Variants in CDYL observed in about 807,000 individuals in gnomAD.
The protein encoded by CDYL is chromodomain Y-like protein.
Under a neutral mutation model 47.3 loss-of-function variants are expected in CDYL, and 8 were observed. The ratio of observed to expected loss-of-function variants is 0.17; its 90% CI spans 0.10 to 0.31. The LOEUF (loss-of-function observed/expected upper bound fraction) is 0.31, where lower values mean the gene tolerates loss of function less well. CDYL is among the 10% of genes least tolerant of loss of function. CDYL has a pLI of 1.00. For missense variants in CDYL, 471 were observed against 701.4 expected (o/e 0.67, Z 3.71); for synonymous variants, 266 against 265.0 (o/e 1.00, Z -0.04).
intron 1 of CDYL, among the ~76,000 whole-genome samples, chr6:4,791,561 C>T (rs1201046082): frequency 1.3e-5 from 2 of 152,352 alleles, no homozygotes; most frequent in South Asian, 2.1e-4. Context: ...AGTTTGGCCT[C>T]TGACGTCTTG....
At chr6:4,800,886 A>G (rs1236651130) in intron 1 of CDYL, among the ~76,000 whole-genome samples, 2 of 152,142 alleles carry the variant, frequency 1.3e-5, no homozygotes, top group African/African-American at 4.8e-5. Flanking sequence ...GCTTTCTACC[A>G]TTTGACTAAG....
intron 1 of CDYL, among the ~76,000 whole-genome samples, chr6:4,879,132 G>C (rs1385336652): frequency 6.6e-6 from 1 of 152,052 alleles, no homozygotes; most frequent in Non-Finnish European, 1.5e-5. Context: ...CTATCATTGT[G>C]AATATTTCAA....
chr6:4,869,721 G>T (rs1412740713), intron 1 of CDYL, among the ~76,000 whole-genome samples: 3 of 151,942 alleles, frequency 2.0e-5, no homozygotes, highest in Non-Finnish European at 4.4e-5. Context: ...GCTTTACTTT[G>T]TATCTCTCCA....
In CDYL at chr6:4,787,639, G is replaced by A. The variant is rs189635543; in HGVS notation, c.24+10832G>A. Among the ~76,000 whole-genome samples, 62 of 152,214 alleles carry A rather than the reference G, an allele frequency of 4.1e-4. No individual in the cohort carries two copies. In the East Asian group the frequency reaches 9.8e-3, roughly 24 times the overall value. ...AACGAAAGTCAACAGAAAAGAAATCGTGGGTCTGAGCTGGGCAGCTTCATG... is the reference window on the plus strand; with the variant it reads ...AACGAAAGTCAACAGAAAAGAAATCATGGGTCTGAGCTGGGCAGCTTCATG... On this transcript the variant is annotated intron_variant, in intron 1 of 6. Transcript: ENST00000397588.
chr6:4,899,444 C>T (rs573126935), intron 2 of CDYL, among the ~76,000 whole-genome samples: 10 of 152,214 alleles, frequency 6.6e-5, no homozygotes, highest in African/African-American at 1.4e-4. Flanking sequence ...TGATAAATTG[C>T]GGAGAAGTTC....
At chr6:4,869,153 T>C (rs1184310355) in intron 1 of CDYL, among the ~76,000 whole-genome samples, 1 of 152,000 alleles carries the variant, frequency 6.6e-6, no homozygotes, top group Non-Finnish European at 1.5e-5. Flanking sequence ...TGGAGTGCAG[T>C]GGTGCAATCT....
intron 2 of CDYL, among the ~76,000 whole-genome samples, chr6:4,900,821 A>G (rs1477332179): frequency 0.023 from 2,011 of 87,282 alleles, 356 homozygotes; most frequent in African/African-American, 0.077. Context: ...ATATATATAT[A>G]TATATATATC....
At chr6:4,872,867 G>A (rs928397786) in intron 1 of CDYL, among the ~76,000 whole-genome samples, 1 of 152,210 alleles carries the variant, frequency 6.6e-6, no homozygotes, top group Non-Finnish European at 1.5e-5. Context: ...AGACAGTAAA[G>A]CATAGTAGCA....
At chr6:4,713,856 G>T (rs1053879687) in intron 1 of CDYL, among the ~76,000 whole-genome samples, 1 of 152,306 alleles carries the variant, frequency 6.6e-6, no homozygotes, top group East Asian at 1.9e-4. Context: ...CCAAAGTGCT[G>T]AGATTACAGG....
At chr6:4,934,674 T>C (rs1222335741) in intron 2 of CDYL, among the ~76,000 whole-genome samples, 1 of 152,204 alleles carries the variant, frequency 6.6e-6, no homozygotes, top group African/African-American at 2.4e-5. Flanking sequence ...ATTATTTGCA[T>C]TCTTAACCAG....
chr6:4,827,026 C>G (rs189429466), intron 1 of CDYL, among the ~76,000 whole-genome samples: 1 of 152,232 alleles, frequency 6.6e-6, no homozygotes, highest in African/African-American at 2.4e-5. Context: ...GTTATATTTT[C>G]TTGTTGAACT....
At position 4,895,261 on chromosome 6, in the gene CDYL, G is replaced by GTGTATGTATATATGTGCATA. The variant is rs1561693294; in HGVS notation, c.691+2883_691+2884insGTATGTATATATGTGCATAT. 7.8e-3 allele frequency among the ~76,000 whole-genome samples: 41 copies of GTGTATGTATATATGTGCATA among 5,254 alleles called. 20 individuals carry two copies. Among genetic ancestry groups the GTGTATGTATATATGTGCATA allele is most frequent in the Admixed American group, 0.072 (12 of 166 alleles). The allele number at this position is 5,254 out of a possible 152,430, so 3.4% of individuals were successfully genotyped here. A position where few individuals can be genotyped will look rare whatever the true frequency, so the allele number is the denominator to read the frequency against. ...TGTACAGATGTGTATATATGTGCATGTATACATGTATGTATATATGTGCAT... is the reference window on the plus strand; with the variant it reads ...TGTACAGATGTGTATATATGTGCATGTGTATGTATATATGTGCATATATACATGTATGTATATATGTGCAT... On this transcript the variant is annotated intron_variant, in intron 2 of 6. Coordinates refer to ENST00000397588, the MANE Select transcript of CDYL (RefSeq NM_004824.4).
chr6:4,925,892 A>C (rs957606865), intron 2 of CDYL, among the ~76,000 whole-genome samples: 1 of 152,226 alleles, frequency 6.6e-6, no homozygotes, highest in Non-Finnish European at 1.5e-5. Context: ...AGCTATTCTT[A>C]GACTGATTCT....
In CDYL at chr6:4,776,820, C is replaced by G; in HGVS notation, c.24+13C>G. On this transcript the variant is annotated intron_variant, in intron 1 of 6. Coordinates refer to ENST00000397588, the MANE Select transcript of CDYL (RefSeq NM_004824.4). ...GGAGCTGTACGAGGTACCTCCCCTC[C>G]CCCCGGCCTCGGGCCGCCCCCCGCC... 1 of 1,028,324 alleles carries G rather than the reference C, an allele frequency of 9.7e-7. No homozygotes were observed. Among genetic ancestry groups the G allele is most frequent in the Non-Finnish European group, 1.2e-6 (1 of 843,534 alleles). The allele number at this position is 1,028,324 out of a possible 1,614,324, so 63.7% of individuals were successfully genotyped here. A position where few individuals can be genotyped will look rare whatever the true frequency, so the allele number is the denominator to read the frequency against.
chr6:4,775,646 G>A (rs886086859), upstream of CDYL, among the ~76,000 whole-genome samples: 1 of 150,630 alleles, frequency 6.6e-6, no homozygotes, highest in African/African-American at 2.4e-5. The surrounding 1 kb of genome is among the most constrained non-coding windows in gnomAD (Gnocchi z 7.0). Flanking sequence ...CCTCCGCCGC[G>A]CCCGGCTCCC....
intron 1 of CDYL, among the ~76,000 whole-genome samples, chr6:4,876,908 A>T (rs767215788): frequency 7.9e-5 from 12 of 152,224 alleles, no homozygotes; most frequent in Non-Finnish European, 1.5e-4. Context: ...ACGCAGTGCC[A>T]TCATGGTACT....
At chr6:4,743,621 A>G (rs1342482114) in intron 3 of CDYL, among the ~76,000 whole-genome samples, 1 of 152,220 alleles carries the variant, frequency 6.6e-6, no homozygotes, top group Non-Finnish European at 1.5e-5. Context: ...TAATTTTCCA[A>G]CTGATGATAT....
At chr6:4,929,453 A>G (rs997379038) in intron 2 of CDYL, among the ~76,000 whole-genome samples, 2 of 151,412 alleles carry the variant, frequency 1.3e-5, no homozygotes, top group African/African-American at 4.8e-5. Flanking sequence ...TTTATCAAAT[A>G]TGGAAAACTT....
intron 1 of CDYL, among the ~76,000 whole-genome samples, chr6:4,865,799 TA>T (rs1441023626): frequency 6.6e-6 from 1 of 152,228 alleles, no homozygotes; most frequent in Non-Finnish European, 1.5e-5. Context: ...AGTTTCAAAA[TA>T]GTTAAGGCAA....
Sources: allele counts gnomAD v4.1 joint callset (sites outside exome capture counted in the v4.1 genomes callset), GRCh38; gene constraint gnomAD v4.1.1; non-coding constraint Gnocchi (gnomAD v3.1); transcripts MANE v1.5; gene names NCBI Gene and HGNC (gene_info 2026-07-23, HGNC 2026-07-21).